The following VPS26B variants were observed in gnomAD, a reference collection of about 807,000 sequenced individuals.
VPS26B encodes vacuolar protein sorting-associated protein 26B.
VPS26B carries 10 observed loss-of-function variants against 33.3 expected under a neutral mutation model. The ratio of observed to expected loss-of-function variants is 0.30; its 90% confidence interval spans 0.19 to 0.51. The LOEUF (loss-of-function observed/expected upper bound fraction) is 0.51. Among genes scored for constraint, VPS26B ranks in the 20% least tolerant of loss-of-function variants. The probability of loss-of-function intolerance (pLI) is 0.98; values close to 1 mark genes in which losing one functional copy is unlikely to be tolerated. For synonymous variants in VPS26B, 190 were observed against 176.9 expected (o/e 1.07, Z -0.59); for missense variants, 317 against 452.7 (o/e 0.70, Z 2.72).
In VPS26B at chr11:134,240,407, C is replaced by A. The variant is rs980059005; in HGVS notation, c.545+252C>A. Among the ~76,000 whole-genome samples, 47 of 152,312 alleles carry A rather than the reference C, an allele frequency of 3.1e-4. No individual in the cohort carries two copies. The highest frequency in any genetic ancestry group is 7.9e-4 in the African/African-American group (33 of 41,560). ...AGGTGGTGTCTTTAAGTTAAACATC[C>A]TATGATGCCTCTCAGTCAAGCTAAA... is the stretch of plus-strand genomic sequence containing the variant. On this transcript the variant is annotated intron_variant, in intron 3 of 5. Coordinates refer to ENST00000281187, the MANE Select transcript of VPS26B (RefSeq NM_052875.5). This position sits in a 1 kb window ranked among gnomAD's most constrained non-coding sequence, Gnocchi z 4.4.
In VPS26B at chr11:134,244,892, G is replaced by A; in HGVS notation, c.722-46G>A. The A allele has an allele frequency of 6.3e-7, 1 of 1,595,484 alleles. No homozygotes were observed. Among genetic ancestry groups the A allele is most frequent in the Non-Finnish European group, 8.5e-7 (1 of 1,174,900 alleles). The stretch of plus-strand genomic sequence containing the variant: ...TCAGAGTGACCTGGTATAAGGGAGA[G>A]GGCATCACCTTGCCCCCTGTGCTGA... On this transcript the variant is annotated intron_variant, in intron 4 of 5. Transcript: ENST00000281187. The surrounding 1 kb of genome is among the most constrained non-coding windows in gnomAD (Gnocchi z 4.0).
Position 134,224,979 on chromosome 11 carries a change from C to T in VPS26B, c.-144C>T. 1.6e-6 allele frequency: 1 copy of T among 612,776 alleles called. No homozygotes were observed. The highest frequency in any genetic ancestry group is 2.3e-6 in the Non-Finnish European group (1 of 437,346). The allele number at this position is 612,776 out of a possible 1,614,324, so 38.0% of individuals were successfully genotyped here. ...CCGGCTGTCCGTCGGCGCCCACTGC[C>T]CGGCGGCAGCGGCGGAGCCAGGCAG... is the stretch of plus-strand genomic sequence containing the variant. On this transcript the variant is annotated 5_prime_UTR_variant, in exon 1 of 6. Transcript: ENST00000281187.
intron 1 of VPS26B, among the ~76,000 whole-genome samples, chr11:134,228,059 G>A (rs1938504668): frequency 2.0e-5 from 3 of 152,256 alleles, no homozygotes; most frequent in Non-Finnish European, 4.4e-5. Flanking sequence ...ATTATCCATG[G>A]TTACGTGAGG....
At chr11:134,227,789 C>T (rs1461342593) in intron 1 of VPS26B, among the ~76,000 whole-genome samples, 1 of 152,156 alleles carries the variant, frequency 6.6e-6, no homozygotes, top group African/African-American at 2.4e-5. Context: ...ATGCATGACC[C>T]TTATAGAGGG....
chr11:134,227,725 C>A (rs925583030), intron 1 of VPS26B, among the ~76,000 whole-genome samples: 5 of 152,208 alleles, frequency 3.3e-5, no homozygotes, highest in African/African-American at 1.2e-4. Context: ...TTCTCAGCTA[C>A]CAAGCAAGGA....
At chr11:134,239,656 G>A (rs953862505) in intron 2 of VPS26B, 19 of 338,284 alleles carry the variant, frequency 5.6e-5, no homozygotes, top group South Asian at 1.4e-4. Flanking sequence ...GGTAAGGGCC[G>A]TGAAAGGCCC....
chr11:134,245,769 G>A lies in VPS26B; in HGVS notation c.*179G>A, dbSNP rs1358905447. ...GGAGAACCCAAGGGGCTTGGGGTGG[G>A]AAGCAGTCTCTCCTTGGGATTCTGC... On this transcript the variant is annotated 3_prime_UTR_variant, in exon 6 of 6. Coordinates refer to ENST00000281187, the MANE Select transcript of VPS26B (RefSeq NM_052875.5). This position sits in a 1 kb window ranked among gnomAD's most constrained non-coding sequence, Gnocchi z 4.7. 3.6e-6 allele frequency: 3 copies of A among 835,344 alleles called. No homozygotes were observed. The highest frequency in any genetic ancestry group is 3.4e-5 in the African/African-American group (2 of 58,306). The allele number at this position is 835,344 out of a possible 1,614,324, so 51.7% of individuals were successfully genotyped here.
chr11:134,233,821 C>G (rs1938594394), intron 1 of VPS26B, among the ~76,000 whole-genome samples: 1 of 152,126 alleles, frequency 6.6e-6, no homozygotes, highest in African/African-American at 2.4e-5. Flanking sequence ...GGCCTGCAGT[C>G]CACAGTGGGA....
Position 134,225,239 on chromosome 11 carries a change from C to T in VPS26B, c.117C>T (p.Leu39=), listed in dbSNP as rs1057360508. Residue 39 remains leucine, a synonymous_variant, in exon 1 of 6, where the codon CTC becomes CTT. Transcript: ENST00000281187. The part of the protein sequence containing the change: ...TEDGKKEKYF[L]FYDGETVSGK... ...ACGGGAAGAAGGAGAAATATTTCCT[C>T]TTCTACGACGGGGAGACGGTCTCCG... The T allele has an allele frequency of 9.3e-6, 15 of 1,614,064 alleles. No individual in the cohort carries two copies. The highest frequency in any genetic ancestry group is 8.3e-5 in the Admixed American group (5 of 60,016).
rs1164766464 is a variant in VPS26B, at chr11:134,240,932, A to G, written c.545+777A>G. 1.3e-5 allele frequency among the ~76,000 whole-genome samples: 2 copies of G among 152,104 alleles called. No individual in the cohort carries two copies. The highest frequency in any genetic ancestry group is 6.5e-5 in the Admixed American group (1 of 15,278). ...GCTGGGACTACAGGCATGAGCCACC[A>G]TGCCCAGCCCTGATGTATTTTTTAT... On this transcript the variant is annotated intron_variant, in intron 3 of 5. Coordinates refer to ENST00000281187, the MANE Select transcript of VPS26B (RefSeq NM_052875.5). The surrounding 1 kb of genome is among the most constrained non-coding windows in gnomAD (Gnocchi z 4.4).
At chr11:134,233,254 C>T (rs1938582904) in intron 1 of VPS26B, among the ~76,000 whole-genome samples, 1 of 152,204 alleles carries the variant, frequency 6.6e-6, no homozygotes, top group African/African-American at 2.4e-5. Context: ...TGTGGACTCG[C>T]CTCTTCCTCC....
rs1938806740 is a variant in VPS26B, at chr11:134,245,832, C to T, written c.*242C>T. Reference sequence around the variant, plus strand: ...ATAGAAGAGGTAGCATCCTGGAAGCCAGCCTCTCTGGGGAACATGAGCCCC... The same window carrying T: ...ATAGAAGAGGTAGCATCCTGGAAGCTAGCCTCTCTGGGGAACATGAGCCCC... On this transcript the variant is annotated 3_prime_UTR_variant, in exon 6 of 6. Coordinates refer to ENST00000281187, the MANE Select transcript of VPS26B (RefSeq NM_052875.5). The surrounding 1 kb of genome is among the most constrained non-coding windows in gnomAD (Gnocchi z 4.7). 10 of 514,710 alleles carry T rather than the reference C, an allele frequency of 1.9e-5. 1 individual carries two copies. Among genetic ancestry groups the T allele is most frequent in the Non-Finnish European group, 3.4e-5 (10 of 292,572 alleles). The allele number at this position is 514,710 out of a possible 1,614,324, so 31.9% of individuals were successfully genotyped here. A position where few individuals can be genotyped will look rare whatever the true frequency, so the allele number is the denominator to read the frequency against.
intron 1 of VPS26B, among the ~76,000 whole-genome samples, chr11:134,233,224 G>A (rs1390361218): frequency 6.6e-6 from 1 of 152,170 alleles, no homozygotes; most frequent in Non-Finnish European, 1.5e-5. Context: ...CACTAGTGTG[G>A]GATCCCAGAG....
Position 134,245,594 on chromosome 11 carries a change from C to T in VPS26B, c.*4C>T. 1 of 1,605,462 alleles carries T rather than the reference C, an allele frequency of 6.2e-7. No homozygotes were observed. The highest frequency in any genetic ancestry group is 8.5e-7 in the Non-Finnish European group (1 of 1,177,710). On this transcript the variant is annotated 3_prime_UTR_variant, in exon 6 of 6. Coordinates refer to ENST00000281187, the MANE Select transcript of VPS26B (RefSeq NM_052875.5). The surrounding 1 kb of genome is among the most constrained non-coding windows in gnomAD (Gnocchi z 4.7). ...TGACAACAACTGCAGGCAGTAGGCC[C>T]CCAGGGCCGAGAAGATGCTGGGCAC... is the stretch of plus-strand genomic sequence containing the variant.
rs1938816787 is a variant in VPS26B at position 134,246,214 on chromosome 11, C to CT, written c.*625dup. The CT allele has an allele frequency of 6.5e-6, 1 of 153,008 alleles. No individual in the cohort carries two copies. The highest frequency in any genetic ancestry group is 2.1e-4 in the South Asian group (1 of 4,850). The allele number at this position is 153,008 out of a possible 1,614,324, so 9.5% of individuals were successfully genotyped here. The stretch of plus-strand genomic sequence containing the variant: ...TCCTCTCTGGATTGTCAGTAATGTC[C>CT]TGGAACAGAAGCCTGTGGGATGGCC... On this transcript the variant is annotated 3_prime_UTR_variant, in exon 6 of 6. Transcript: ENST00000281187.
rs1565358389 is a variant in VPS26B at position 134,240,798 on chromosome 11, T to TGTGTGTGTGTGTGTCC, written c.545+657_545+658insCCGTGTGTGTGTGTGT. Among the ~76,000 whole-genome samples the TGTGTGTGTGTGTGTCC allele has an allele frequency of 7.0e-6, 1 of 142,328 alleles. No individual in the cohort carries two copies. Among genetic ancestry groups the TGTGTGTGTGTGTGTCC allele is most frequent in the African/African-American group, 2.5e-5 (1 of 39,606 alleles). The allele number at this position is 142,328 out of a possible 152,430, so 93.4% of individuals were successfully genotyped here. ...CCGTGTGTGTGTGTGTGTGTCCGTG[T>TGTGTGTGTGTGTGTCC]GTGTGTGTGTGTGTGTGTGTGTGTG... On this transcript the variant is annotated intron_variant, in intron 3 of 5. Transcript: ENST00000281187. This position sits in a 1 kb window ranked among gnomAD's most constrained non-coding sequence, Gnocchi z 4.4.
intron 2 of VPS26B, chr11:134,239,773 T>G (rs1471987137): frequency 1.8e-6 from 1 of 561,456 alleles, no homozygotes; most frequent in East Asian, 3.1e-5. Flanking sequence ...GGGAAGGGTC[T>G]TTGAACTCCC....
chr11:134,231,315 C>T (rs1938552397), intron 1 of VPS26B, among the ~76,000 whole-genome samples: 1 of 151,700 alleles, frequency 6.6e-6, no homozygotes, highest in South Asian at 2.1e-4. Flanking sequence ...TATTTTAATT[C>T]ATTAGCCCTT....
intron 1 of VPS26B, among the ~76,000 whole-genome samples, chr11:134,230,583 A>T (rs535184511): frequency 1.2e-4 from 19 of 152,292 alleles, no homozygotes; most frequent in African/African-American, 4.6e-4. Flanking sequence ...CACTGGGGGA[A>T]CTGGGATAAG....
Sources: gnomAD v4.1 joint callset for allele counts (sites outside exome capture counted in the v4.1 genomes callset) on GRCh38, gnomAD v4.1.1 for gene constraint, Gnocchi (gnomAD v3.1) non-coding constraint, MANE v1.5 for transcripts, NCBI Gene and HGNC (gene_info 2026-07-23, HGNC 2026-07-21) for gene names.